The following SESN3 variants were observed in gnomAD, a reference collection of about 807,000 sequenced individuals.
SESN3 encodes sestrin-3.
A neutral mutation model predicts 55.3 loss-of-function variants in SESN3; 21 were observed. That is an observed-to-expected ratio of 0.38 (90% CI 0.27 to 0.55). The LOEUF is 0.55. SESN3 is among the 20% of genes least tolerant of loss of function. The probability of loss-of-function intolerance (pLI) is 0.76; values close to 1 mark genes in which losing one functional copy is unlikely to be tolerated. For missense variants in SESN3, 408 were observed against 604.3 expected, an observed-to-expected ratio of 0.68 and a Z score of 3.41; for synonymous variants, 181 against 203.1, an observed-to-expected ratio of 0.89 and a Z score of 0.93.
At chr11:95,191,036 T>C (rs1385875595) in intron 3 of SESN3, among the ~76,000 whole-genome samples, 1 of 152,034 alleles carries the variant, frequency 6.6e-6, no homozygotes, top group Non-Finnish European at 1.5e-5. Context: ...TGACATTCTT[T>C]ATGTATAAAA....
chr11:95,200,484 G>C (rs1860441618), intron 1 of SESN3, among the ~76,000 whole-genome samples: 1 of 152,048 alleles, frequency 6.6e-6, no homozygotes, highest in Non-Finnish European at 1.5e-5. Context: ...AATGGCACCA[G>C]GGGTGAGAAT....
rs35466696 is a variant in SESN3 at position 95,186,194 on chromosome 11, CTGTGTGTGTGTGTG to C, written c.526-716_526-703del. ...TCCCTTTCTCTCTCTCTATCTCTCA[CTGTGTGTGTGTGTG>C]TGTGTGTGTGTGTGTGTGTGTGTGT... On this transcript the variant is annotated intron_variant, in intron 4 of 9. Transcript: ENST00000536441. 9.9e-3 allele frequency among the ~76,000 whole-genome samples: 1,066 copies of C among 107,630 alleles called. 9 individuals are homozygous for C. The highest frequency in any genetic ancestry group is 0.019 in the Middle Eastern group (4 of 208). The allele number at this position is 107,630 out of a possible 152,430, so 70.6% of individuals were successfully genotyped here. A position where few individuals can be genotyped will look rare whatever the true frequency, so the allele number is the denominator to read the frequency against.
At chr11:95,231,284 A>C (rs987332968), upstream of SESN3, 9 of 391,760 alleles carry the variant, frequency 2.3e-5, no homozygotes, top group Non-Finnish European at 3.6e-5. Flanking sequence ...AGCTCCGGCT[A>C]CGCCCCCAGG....
At position 95,213,613 on chromosome 11, in the gene SESN3, C is replaced by T. The variant is rs558736000; in HGVS notation, c.78+17170G>A. Among the ~76,000 whole-genome samples the T allele has an allele frequency of 2.0e-5, 3 of 152,160 alleles. No homozygotes were observed. In the South Asian group the frequency reaches 6.2e-4, roughly 32 times the overall value. On this transcript the variant is annotated intron_variant, in intron 1 of 9. Coordinates refer to ENST00000536441, the MANE Select transcript of SESN3 (RefSeq NM_144665.4). ...GATAGGTGATCTGTAGACCCCAAATCGTAGGAGTTGGCTGAAAAAAAACTG... is the reference window on the plus strand; with the variant it reads ...GATAGGTGATCTGTAGACCCCAAATTGTAGGAGTTGGCTGAAAAAAAACTG...
intron 1 of SESN3, among the ~76,000 whole-genome samples, chr11:95,210,334 C>T (rs549253470): frequency 6.6e-6 from 1 of 152,172 alleles, no homozygotes; most frequent in Non-Finnish European, 1.5e-5. Flanking sequence ...GTTCTTCTTG[C>T]ACATGTATCC....
rs1859778413 is a variant in SESN3 at position 95,167,799 on chromosome 11, A to T, written c.*5456T>A. The T allele has an allele frequency of 1.3e-5, 2 of 152,340 alleles. No individual in the cohort carries two copies. The highest frequency in any genetic ancestry group is 2.9e-5 in the Non-Finnish European group (2 of 68,026). The allele number at this position is 152,340 out of a possible 1,614,324, so 9.4% of individuals were successfully genotyped here. A position where few individuals can be genotyped will look rare whatever the true frequency, so the allele number is the denominator to read the frequency against. On this transcript the variant is annotated 3_prime_UTR_variant, in exon 10 of 10. Coordinates refer to ENST00000536441, the MANE Select transcript of SESN3 (RefSeq NM_144665.4). ...GTGTCCCATGTTAGAAACCTGACAT[A>T]ATTTTACATTTATGAACAACCTCAA...
At chr11:95,200,719 C>T (rs747594302) in intron 1 of SESN3, among the ~76,000 whole-genome samples, 1 of 152,024 alleles carries the variant, frequency 6.6e-6, no homozygotes, top group African/African-American at 2.4e-5. Context: ...CCAAGGCTAT[C>T]AAGTCCTTCC....
Position 95,171,711 on chromosome 11 carries a change from G to T in SESN3, c.*1544C>A, listed in dbSNP as rs1859852337. 6.6e-6 allele frequency: 1 copy of T among 152,128 alleles called. No homozygotes were observed. 9.4% of individuals were successfully genotyped at this position (152,128 alleles called of 1,614,324 possible). ...TAAGTTTTCAAAAATTAGCATGTAT[G>T]TGTACAATTCAAGTCACCCTTAACT... is the stretch of plus-strand genomic sequence containing the variant. On this transcript the variant is annotated 3_prime_UTR_variant, in exon 10 of 10. Coordinates refer to ENST00000536441, the MANE Select transcript of SESN3 (RefSeq NM_144665.4).
chr11:95,210,765 A>C (rs938755278), intron 1 of SESN3, among the ~76,000 whole-genome samples: 1 of 152,256 alleles, frequency 6.6e-6, no homozygotes. Flanking sequence ...AGACTCTTTA[A>C]TAAACAGTTT....
In SESN3 at chr11:95,230,836, A is replaced by G; in HGVS notation, c.25T>C (p.Ser9Pro). The change falls in exon 1 of 10, where the codon TCG becomes CCG. Residue 9 changes from serine to proline, a missense_variant. Ser to Pro is a moderately conservative substitution (Grantham distance 74). Transcript: ENST00000536441. The surrounding 1 kb of genome is among the most constrained non-coding windows in gnomAD (Gnocchi z 4.6). MNRGGGSP[S>P]AAANYLLCTN... ...CAGAGCAGGTAGTTGGCGGCGGCCG[A>G]CGGGCTGCCGCCGCCCCGGTTCATC... 1 of 1,561,104 alleles carries G rather than the reference A, an allele frequency of 6.4e-7. No individual in the cohort carries two copies. The highest frequency in any genetic ancestry group is 1.8e-4 in the Middle Eastern group (1 of 5,474).
At chr11:95,210,017 C>CAAAAAAA (rs71036380) in intron 1 of SESN3, among the ~76,000 whole-genome samples, 4 of 60,190 alleles carry the variant, frequency 6.6e-5, no homozygotes, top group Non-Finnish European at 9.0e-5. Flanking sequence ...AACTCCATCT[C>CAAAAAAA]AAAAAAAAAA....
intron 7 of SESN3, 100 bp from the exon 8 acceptor site, chr11:95,178,009 T>C: frequency 2.4e-6 from 2 of 821,706 alleles, no homozygotes; most frequent in Non-Finnish European, 3.7e-6. Flanking sequence ...CGAGGCTATT[T>C]CTAATTTAGC....
intron 1 of SESN3, among the ~76,000 whole-genome samples, chr11:95,228,446 G>C (rs1007974385): frequency 1.3e-5 from 2 of 152,080 alleles, no homozygotes; most frequent in Admixed American, 1.3e-4. Flanking sequence ...CTACATTACT[G>C]AACACTTTAT....
chr11:95,179,657 G>A (rs1860025411), intron 6 of SESN3, among the ~76,000 whole-genome samples: 1 of 152,120 alleles, frequency 6.6e-6, no homozygotes, highest in African/African-American at 2.4e-5. Flanking sequence ...GGGGAGGAGA[G>A]CAGAGTTTTT....
chr11:95,174,955 TCTAA>T (rs1346854916), intron 9 of SESN3, among the ~76,000 whole-genome samples: 11 of 152,140 alleles, frequency 7.2e-5, no homozygotes, highest in South Asian at 2.1e-4. Flanking sequence ...TGTCTACAGT[TCTAA>T]CTATTAATAA....
At chr11:95,201,826 CAG>C (rs1379129155) in intron 1 of SESN3, among the ~76,000 whole-genome samples, 1 of 152,050 alleles carries the variant, frequency 6.6e-6, no homozygotes, top group African/African-American at 2.4e-5. Flanking sequence ...TGTAATGCCA[CAG>C]AGTGATGTAA....
In SESN3 at chr11:95,169,480, A is replaced by C. The variant is rs1270439641; in HGVS notation, c.*3775T>G. ...ATGTTAAGACCATCTCTTTGCATAA[A>C]AGCAGTTCTATTAAAGAGAAGAATT... On this transcript the variant is annotated 3_prime_UTR_variant, in exon 10 of 10. Transcript: ENST00000536441. 6.6e-6 allele frequency: 1 copy of C among 152,240 alleles called. No homozygotes were observed. Among genetic ancestry groups the C allele is most frequent in the Non-Finnish European group, 1.5e-5 (1 of 68,042 alleles). 9.4% of individuals were successfully genotyped at this position (152,240 alleles called of 1,614,324 possible).
At position 95,178,827 on chromosome 11, in the gene SESN3, A is replaced by C. The variant is rs943303626; in HGVS notation, c.939T>G (p.Asp313Glu). ...GDTFHSFPHS[D>E]FEDDMIITSD... The stretch of plus-strand genomic sequence containing the variant: ...ATGTTATAATCATGTCATCCTCAAA[A>C]TCTAAGGACAATAATGAACAATCTA... The change falls in exon 7 of 10, where the codon GAT becomes GAG. Residue 313 changes from aspartate to glutamate, a missense_variant and splice_region_variant. Physicochemically the swap from Asp to Glu is conservative, Grantham distance 45. Coordinates refer to ENST00000536441, the MANE Select transcript of SESN3 (RefSeq NM_144665.4). 1.3e-6 allele frequency: 2 copies of C among 1,532,552 alleles called. No homozygotes were observed. Among genetic ancestry groups the C allele is most frequent in the African/African-American group, 2.7e-5 (2 of 73,486 alleles). The allele number at this position is 1,532,552 out of a possible 1,614,324, so 94.9% of individuals were successfully genotyped here.
chr11:95,231,292 A>T (rs1591087263), upstream of SESN3: 11 of 391,260 alleles, frequency 2.8e-5, no homozygotes, highest in East Asian at 4.0e-4. Context: ...CTACGCCCCC[A>T]GGGCGCTAGC....
Sources: allele counts gnomAD v4.1 joint callset (sites outside exome capture counted in the v4.1 genomes callset), GRCh38; gene constraint gnomAD v4.1.1; non-coding constraint Gnocchi (gnomAD v3.1); transcripts MANE v1.5; gene names NCBI Gene and HGNC (gene_info 2026-07-23, HGNC 2026-07-21).